Variants in GRID2IP observed in about 807,000 individuals in gnomAD.
The protein encoded by GRID2IP is Grid2 interacting protein, also known as delphilin.
GRID2IP carries 78 observed loss-of-function variants against 114.3 expected under a neutral mutation model. The observed-to-expected ratio is 0.68, with a 90% CI of 0.57 to 0.82. The LOEUF is 0.82. GRID2IP is among the 40% of genes least tolerant of loss of function. The probability of loss-of-function intolerance (pLI) is 0.00; values close to 1 mark genes in which losing one functional copy is unlikely to be tolerated. For missense variants in GRID2IP, 1,727 were observed against 1,678.5 expected, an observed-to-expected ratio of 1.03 and a Z score of -0.51; for synonymous variants, 809 against 724.0, an observed-to-expected ratio of 1.12 and a Z score of -1.89.
intron 20 of GRID2IP, 122 bp from the exon 21 acceptor site, chr7:6,498,350 AG>A: frequency 1.1e-6 from 1 of 885,806 alleles, no homozygotes; most frequent in Non-Finnish European, 1.7e-6. Context: ...TCCAAGGGCC[AG>A]GCCCTGTGTC....
chr7:6,528,447 G>A lies in GRID2IP; in HGVS notation c.585-1678C>T, dbSNP rs867473225. Among the ~76,000 whole-genome samples the A allele has an allele frequency of 5.3e-5, 8 of 152,316 alleles. No homozygotes were observed. Among genetic ancestry groups the A allele is most frequent in the Middle Eastern group, 3.4e-3 (1 of 294 alleles). On this transcript the variant is annotated intron_variant, in intron 2 of 21. Coordinates refer to ENST00000457091, the MANE Select transcript of GRID2IP (RefSeq NM_001145118.2). This position sits in a 1 kb window ranked among gnomAD's most constrained non-coding sequence, Gnocchi z 6.0. ...GTGGCACAGCTGGCATCAGAGAACA[G>A]ACTTCAGCGCTCAGCACTGTGGCAG...
In GRID2IP at chr7:6,539,819, T is replaced by A; in HGVS notation, c.483A>T (p.Ala161=). The A allele has an allele frequency of 6.4e-7, 1 of 1,551,184 alleles. No homozygotes were observed. Among genetic ancestry groups the A allele is most frequent in the Non-Finnish European group, 8.7e-7 (1 of 1,146,960 alleles). Residue 161 remains alanine (A), a synonymous_variant, in exon 2 of 22, where the codon GCA becomes GCT. Transcript: ENST00000457091. ...GCTGCTCAGCTGCAAACTGCTTCAG[T>A]GCAGCGAACACCTGCTCCTTGGCAG... The part of the protein sequence containing the change: ...QPTAKEQVFA[A]LKQFAAEQRV...
chr7:6,530,684 C>G (rs1779605483), intron 2 of GRID2IP, among the ~76,000 whole-genome samples: 1 of 152,144 alleles, frequency 6.6e-6, no homozygotes, highest in Admixed American at 6.6e-5. Flanking sequence ...AGAGGTCGTG[C>G]CCCCCAAACT....
chr7:6,530,302 C>T (rs1380219885), intron 2 of GRID2IP, among the ~76,000 whole-genome samples: 1 of 149,942 alleles, frequency 6.7e-6, no homozygotes, highest in East Asian at 2.0e-4. Context: ...GACTCTCTGT[C>T]GCCCAGGATG....
At position 6,539,567 on chromosome 7, in the gene GRID2IP, C is replaced by T. The variant is rs76117563; in HGVS notation, c.584+151G>A. Reference sequence around the variant, plus strand: ...GTCATTGGCCTACCCTTGTTTGGGGCTTGCAGTTATGTTGCGATGCTGTTC... The same window carrying T: ...GTCATTGGCCTACCCTTGTTTGGGGTTTGCAGTTATGTTGCGATGCTGTTC... On this transcript the variant is annotated intron_variant, in intron 2 of 21. Coordinates refer to ENST00000457091, the MANE Select transcript of GRID2IP (RefSeq NM_001145118.2). 4,108 of 734,646 alleles carry T rather than the reference C, an allele frequency of 5.6e-3. 65 individuals carry two copies. Among genetic ancestry groups the T allele is most frequent in the Middle Eastern group, 0.031 (77 of 2,510 alleles). 45.5% of individuals were successfully genotyped at this position (734,646 alleles called of 1,614,324 possible).
rs1786620371 is a variant in GRID2IP, at chr7:6,507,235, A to C, written c.2544+750T>G. 6.6e-6 allele frequency among the ~76,000 whole-genome samples: 1 copy of C among 152,200 alleles called. No individual in the cohort carries two copies. The stretch of plus-strand genomic sequence containing the variant: ...CCCCTGCCATATTAAAAGGAGTATG[A>C]TGTCCCAGTCAAAGGAGCTGAGAAC... On this transcript the variant is annotated intron_variant, in intron 13 of 21. Transcript: ENST00000457091. This position sits in a 1 kb window ranked among gnomAD's most constrained non-coding sequence, Gnocchi z 5.3.
chr7:6,512,565 T>G (rs544647487), intron 8 of GRID2IP, among the ~76,000 whole-genome samples: 1 of 151,214 alleles, frequency 6.6e-6, no homozygotes, highest in African/African-American at 2.4e-5. Context: ...GGTTGGAGTG[T>G]AGTGGTGCGA....
intron 2 of GRID2IP, among the ~76,000 whole-genome samples, chr7:6,527,124 G>C (rs572501705): frequency 6.6e-6 from 1 of 151,686 alleles, no homozygotes; most frequent in East Asian, 1.9e-4. Flanking sequence ...CTCTGCACCC[G>C]CCAGGCCAAG....
Position 6,547,034 on chromosome 7 carries a change from T to A in GRID2IP, c.429+3974A>T, listed in dbSNP as rs560869161. Among the ~76,000 whole-genome samples the A allele has an allele frequency of 1.1e-4, 16 of 152,296 alleles. 1 individual carries two copies. In the South Asian group the frequency reaches 3.1e-3, roughly 30 times the overall value. On this transcript the variant is annotated intron_variant, in intron 1 of 21. Transcript: ENST00000457091. ...GAGCAGTGTACCTAGTTCTGCCCAATGAGCATTGAGGACAGGTGCTGTTCT... is the reference window on the plus strand; with the variant it reads ...GAGCAGTGTACCTAGTTCTGCCCAAAGAGCATTGAGGACAGGTGCTGTTCT...
At chr7:6,544,467 G>C (rs1779856667) in intron 1 of GRID2IP, among the ~76,000 whole-genome samples, 1 of 151,362 alleles carries the variant, frequency 6.6e-6, no homozygotes. Flanking sequence ...TTTTAGTAGA[G>C]ACAGGGTTTC....
At chr7:6,511,702 TATGTAAGGC>T (rs1293434172) in intron 8 of GRID2IP, among the ~76,000 whole-genome samples, 1 of 152,032 alleles carries the variant, frequency 6.6e-6, no homozygotes, top group African/African-American at 2.4e-5. Flanking sequence ...CCTACGCAGA[TATGTAAGGC>T]ATGTGTGGTC....
Position 6,505,880 on chromosome 7 carries a change from G to A in GRID2IP, c.2572C>T (p.Leu858=). 1 of 1,552,000 alleles carries A rather than the reference G, an allele frequency of 6.4e-7. No individual in the cohort carries two copies. Among genetic ancestry groups the A allele is most frequent in the South Asian group, 1.2e-5 (1 of 84,058 alleles). The change falls in exon 14 of 22, where the codon CTG becomes TTG. Residue 858 remains leucine, a synonymous_variant. Transcript: ENST00000457091. ...QLGEDSDYDK[L]SDMVKYLDLE... The stretch of plus-strand genomic sequence containing the variant: ...TCGAGGTATTTCACCATGTCACTCA[G>A]CTTATCGTAGTCAGAGTCTTCCCCG...
chr7:6,521,987 C>A lies in GRID2IP; in HGVS notation c.920-30G>T. On this transcript the variant is annotated intron_variant, in intron 4 of 21. Transcript: ENST00000457091. The surrounding 1 kb of genome is among the most constrained non-coding windows in gnomAD (Gnocchi z 4.1). The stretch of plus-strand genomic sequence containing the variant: ...AAGCAAGAAGAGAGGGTGTGCCGGT[C>A]AGCTGGGCAGGGTACCACTTTGAGA... The A allele has an allele frequency of 1.3e-6, 2 of 1,530,674 alleles. No homozygotes were observed. Among genetic ancestry groups the A allele is most frequent in the South Asian group, 2.4e-5 (2 of 83,566 alleles). The allele number at this position is 1,530,674 out of a possible 1,614,324, so 94.8% of individuals were successfully genotyped here.
At chr7:6,517,547 A>T (rs1236642131) in intron 7 of GRID2IP, among the ~76,000 whole-genome samples, 5 of 152,156 alleles carry the variant, frequency 3.3e-5, no homozygotes, top group African/African-American at 4.8e-5. Flanking sequence ...CAGACCTAAT[A>T]ACAGAAGTAA....
Position 6,526,918 on chromosome 7 carries a change from A to G in GRID2IP, c.585-149T>C, listed in dbSNP as rs1779525584. ...GAGGGCTGGGGGGATCGGGATGAGC[A>G]GCCGGTAGCACCCCAGTCTCCCCCT... On this transcript the variant is annotated intron_variant, in intron 2 of 21. Transcript: ENST00000457091. This position sits in a 1 kb window ranked among gnomAD's most constrained non-coding sequence, Gnocchi z 7.6. 1.1e-6 allele frequency: 1 copy of G among 910,104 alleles called. No homozygotes were observed. The highest frequency in any genetic ancestry group is 1.8e-5 in the African/African-American group (1 of 56,914). 56.4% of individuals were successfully genotyped at this position (910,104 alleles called of 1,614,324 possible).
chr7:6,521,630 C>T lies in GRID2IP; in HGVS notation c.990-107G>A. On this transcript the variant is annotated intron_variant, in intron 5 of 21. Transcript: ENST00000457091. The surrounding 1 kb of genome is among the most constrained non-coding windows in gnomAD (Gnocchi z 4.1). ...CACAGAGGTCACACAGCAAGACCAC[C>T]TCTGTGTGACTCTGTGTCCCCAGCA... The T allele has an allele frequency of 1.4e-6, 1 of 727,786 alleles. No homozygotes were observed. Among genetic ancestry groups the T allele is most frequent in the Non-Finnish European group, 2.3e-6 (1 of 436,258 alleles). 45.1% of individuals were successfully genotyped at this position (727,786 alleles called of 1,614,324 possible). A position where few individuals can be genotyped will look rare whatever the true frequency, so the allele number is the denominator to read the frequency against.
chr7:6,537,844 C>T lies in GRID2IP; in HGVS notation c.584+1874G>A, dbSNP rs56269223. ...CAGCCTGGATGACAGAGCGAGACTC[C>T]GATTCAAAAAAGCTTCGAGCAAAAC... is the stretch of plus-strand genomic sequence containing the variant. On this transcript the variant is annotated intron_variant, in intron 2 of 21. Transcript: ENST00000457091. 1.0e-2 allele frequency among the ~76,000 whole-genome samples: 1,507 copies of T among 150,914 alleles called. 30 individuals carry two copies. The highest frequency in any genetic ancestry group is 0.035 in the African/African-American group (1,430 of 41,158).
Position 6,497,706 on chromosome 7 carries a change from A to T in GRID2IP, c.*68T>A. The T allele has an allele frequency of 8.3e-7, 1 of 1,203,176 alleles. No homozygotes were observed. Among genetic ancestry groups the T allele is most frequent in the Non-Finnish European group, 1.2e-6 (1 of 852,274 alleles). The allele number at this position is 1,203,176 out of a possible 1,614,324, so 74.5% of individuals were successfully genotyped here. On this transcript the variant is annotated 3_prime_UTR_variant, in exon 22 of 22. Transcript: ENST00000457091. ...GGGCACAGTGGCCCCGGACCTCGGCAGTGTCTGGGCTGCCCTCTCGGCCTC... is the reference window on the plus strand; with the variant it reads ...GGGCACAGTGGCCCCGGACCTCGGCTGTGTCTGGGCTGCCCTCTCGGCCTC...
At chr7:6,543,379 G>C (rs1339479301) in intron 1 of GRID2IP, among the ~76,000 whole-genome samples, 2 of 150,414 alleles carry the variant, frequency 1.3e-5, no homozygotes, top group South Asian at 2.1e-4. Flanking sequence ...CCTGGTGACA[G>C]AGCGAGGCTC....
Sources: gnomAD v4.1 joint callset for allele counts (sites outside exome capture counted in the v4.1 genomes callset) on GRCh38, gnomAD v4.1.1 for gene constraint, Gnocchi (gnomAD v3.1) non-coding constraint, MANE v1.5 for transcripts, NCBI Gene and HGNC (gene_info 2026-07-23, HGNC 2026-07-21) for gene names.